The following GRM1 variants were observed in gnomAD, a reference collection of about 807,000 sequenced individuals.
The protein encoded by GRM1 is glutamate metabotropic receptor 1.
In GRM1, 33 loss-of-function variants were observed where a neutral mutation model predicts 90.9. The ratio of observed to expected loss-of-function variants is 0.36; its 90% CI spans 0.28 to 0.49. The LOEUF (loss-of-function observed/expected upper bound fraction) is 0.49. Among genes scored for constraint, GRM1 ranks in the 20% least tolerant of loss-of-function variants. GRM1 has a pLI of 0.99. For synonymous variants in GRM1, 700 were observed against 613.2 expected (o/e 1.14, Z -2.09); for missense variants, 1,190 against 1,534.3 (o/e 0.78, Z 3.75).
chr6:146,031,468 A>G (rs1334492014), intron 1 of GRM1, among the ~76,000 whole-genome samples: 1 of 152,164 alleles, frequency 6.6e-6, no homozygotes, highest in Admixed American at 6.5e-5. Flanking sequence ...AAGTGATTAT[A>G]TGGTTATCAT....
intron 1 of GRM1, among the ~76,000 whole-genome samples, chr6:146,150,056 A>C (rs377533740): frequency 5.3e-5 from 8 of 152,288 alleles, no homozygotes; most frequent in South Asian, 2.1e-4. Flanking sequence ...CAGGAAACCC[A>C]TAACATTTTC....
At chr6:146,252,984 C>T (rs1178669393) in intron 2 of GRM1, among the ~76,000 whole-genome samples, 4 of 151,826 alleles carry the variant, frequency 2.6e-5, no homozygotes, top group South Asian at 2.1e-4. Flanking sequence ...CACTTGAACC[C>T]GGGAGGCAGA....
At chr6:146,141,176 T>C (rs1434169873) in intron 1 of GRM1, among the ~76,000 whole-genome samples, 6 of 152,204 alleles carry the variant, frequency 3.9e-5, no homozygotes, top group Admixed American at 1.3e-4. Flanking sequence ...AGATTTTTTT[T>C]CGTCCTGCAT....
chr6:146,378,226 G>A (rs1055605459), intron 5 of GRM1, among the ~76,000 whole-genome samples: 19 of 152,196 alleles, frequency 1.2e-4, no homozygotes, highest in Non-Finnish European at 2.4e-4. Context: ...CCCATACAGA[G>A]TTCCCACTGG....
chr6:146,231,985 A>C (rs1780466160), intron 2 of GRM1, among the ~76,000 whole-genome samples: 1 of 152,064 alleles, frequency 6.6e-6, no homozygotes, highest in Admixed American at 6.6e-5. Flanking sequence ...TTAGTGTAGA[A>C]TTGGTATTAT....
chr6:146,399,750 T>C lies in GRM1; in HGVS notation c.2660+51T>C. ...TCTTTTCTCTTCCTTTCTCTGTCTCTTTCTCTCTCTCTCTCTCTCTCTCTT... is the reference window on the plus strand; with the variant it reads ...TCTTTTCTCTTCCTTTCTCTGTCTCCTTCTCTCTCTCTCTCTCTCTCTCTT... On this transcript the variant is annotated intron_variant, in intron 7 of 7. Transcript: ENST00000282753. The surrounding 1 kb of genome is among the most constrained non-coding windows in gnomAD (Gnocchi z 5.4). The C allele has an allele frequency of 1.6e-6, 2 of 1,239,826 alleles. No homozygotes were observed. The highest frequency in any genetic ancestry group is 2.3e-6 in the Non-Finnish European group (2 of 882,642). The allele number at this position is 1,239,826 out of a possible 1,614,324, so 76.8% of individuals were successfully genotyped here. A position where few individuals can be genotyped will look rare whatever the true frequency, so the allele number is the denominator to read the frequency against.
Position 146,434,879 on chromosome 6 carries a change from G to T in GRM1, c.*83G>T, listed in dbSNP as rs943805584. On this transcript the variant is annotated 3_prime_UTR_variant, in exon 8 of 8. Coordinates refer to ENST00000282753, the MANE Select transcript of GRM1 (RefSeq NM_001278064.2). The stretch of plus-strand genomic sequence containing the variant: ...GATGTGCAAACAGCTGGGAGGAAAA[G>T]CCTGGGAGTGGGGGGCCTCGTCGGG... 4 of 1,238,946 alleles carry T rather than the reference G, an allele frequency of 3.2e-6. No individual in the cohort carries two copies. Among genetic ancestry groups the T allele is most frequent in the Non-Finnish European group, 4.7e-6 (4 of 857,904 alleles). The allele number at this position is 1,238,946 out of a possible 1,614,324, so 76.7% of individuals were successfully genotyped here. A position where few individuals can be genotyped will look rare whatever the true frequency, so the allele number is the denominator to read the frequency against.
At chr6:146,090,916 C>A (rs1162992544) in intron 1 of GRM1, among the ~76,000 whole-genome samples, 5 of 151,968 alleles carry the variant, frequency 3.3e-5, no homozygotes, top group African/African-American at 9.7e-5. Flanking sequence ...TCCTCTTCAC[C>A]TCCTGAGTTT....
intron 1 of GRM1, among the ~76,000 whole-genome samples, chr6:146,154,945 G>T (rs1268480768): frequency 6.6e-6 from 1 of 152,126 alleles, no homozygotes; most frequent in African/African-American, 2.4e-5. Context: ...AGCAAATACT[G>T]TTCAGTGATT....
chr6:146,104,694 T>A (rs2128871613), intron 1 of GRM1, among the ~76,000 whole-genome samples: 1 of 152,160 alleles, frequency 6.6e-6, no homozygotes, highest in Non-Finnish European at 1.5e-5. Flanking sequence ...GTTGAGAACT[T>A]CGAAATAAGA....
chr6:146,071,406 G>C (rs1776013631), intron 1 of GRM1, among the ~76,000 whole-genome samples: 1 of 152,092 alleles, frequency 6.6e-6, no homozygotes, highest in Non-Finnish European at 1.5e-5. Context: ...GCTAGAAATG[G>C]ATCTCCTGTT....
rs1779927065 is a variant in GRM1 at position 146,217,836 on chromosome 6, G to C, written c.950+58239G>C. ...AATAGAGGAATATTTGCAAGGTGAA[G>C]GCTTCCCAGAGAGGTGACTTTAGAG... On this transcript the variant is annotated intron_variant, in intron 2 of 7. Transcript: ENST00000282753. Among the ~76,000 whole-genome samples, 5 of 136,894 alleles carry C rather than the reference G, an allele frequency of 3.7e-5. No individual in the cohort carries two copies. In the South Asian group the frequency reaches 1.0e-3, roughly 29 times the overall value. 89.8% of individuals were successfully genotyped at this position (136,894 alleles called of 152,430 possible). A position where few individuals can be genotyped will look rare whatever the true frequency, so the allele number is the denominator to read the frequency against.
chr6:146,430,060 C>G (rs1299826173), intron 7 of GRM1, among the ~76,000 whole-genome samples: 1 of 152,158 alleles, frequency 6.6e-6, no homozygotes, highest in Non-Finnish European at 1.5e-5. Context: ...CTCTCTGGAT[C>G]AGAGAACAGT....
intron 2 of GRM1, among the ~76,000 whole-genome samples, chr6:146,213,377 A>G (rs1391560479): frequency 1.3e-5 from 2 of 152,196 alleles, no homozygotes; most frequent in Non-Finnish European, 2.9e-5. Context: ...ATCAAAAGGC[A>G]TCAGAGAGCT....
intron 2 of GRM1, among the ~76,000 whole-genome samples, chr6:146,242,991 C>T (rs532078090): frequency 3.2e-4 from 48 of 152,208 alleles, no homozygotes; most frequent in African/African-American, 1.1e-3. Context: ...GTACTTCAAG[C>T]ATTCTAATCA....
intron 2 of GRM1, among the ~76,000 whole-genome samples, chr6:146,264,039 C>G (rs549871401): frequency 6.6e-6 from 1 of 152,066 alleles, no homozygotes; most frequent in African/African-American, 2.4e-5. Flanking sequence ...TAATACTGCT[C>G]TTGTTCCTAA....
At chr6:146,169,954 G>T (rs1356376249) in intron 2 of GRM1, among the ~76,000 whole-genome samples, 2 of 152,118 alleles carry the variant, frequency 1.3e-5, no homozygotes. Flanking sequence ...TATCTCACGT[G>T]GTTTTGATTT....
chr6:146,310,546 T>C (rs556807524), intron 3 of GRM1, among the ~76,000 whole-genome samples: 1 of 152,366 alleles, frequency 6.6e-6, no homozygotes, highest in East Asian at 1.9e-4. Flanking sequence ...CCCCTTTTTG[T>C]ATCCATGCTC....
chr6:146,309,007 A>C (rs959260788), intron 3 of GRM1, among the ~76,000 whole-genome samples: 6 of 152,138 alleles, frequency 3.9e-5, no homozygotes, highest in African/African-American at 1.4e-4. Flanking sequence ...GTGATATAAT[A>C]AAAAAATTTT....
Sources: gnomAD v4.1 joint callset for allele counts (sites outside exome capture counted in the v4.1 genomes callset) on GRCh38, gnomAD v4.1.1 for gene constraint, Gnocchi (gnomAD v3.1) non-coding constraint, MANE v1.5 for transcripts, NCBI Gene and HGNC (gene_info 2026-07-23, HGNC 2026-07-21) for gene names.